The following XKR9 variants were observed in gnomAD, a reference collection of about 807,000 sequenced individuals.
The protein encoded by XKR9 is XK related 9.
Under a neutral mutation model 32.0 loss-of-function variants are expected in XKR9, and 32 were observed. The ratio of observed to expected loss-of-function variants is 1.00; its 90% CI spans 0.76 to 1.34. XKR9 has a LOEUF of 1.34. Ranked by LOEUF, XKR9 falls within the 40% of genes most tolerant of loss-of-function variation. XKR9 has a pLI of 0.00. For missense variants in XKR9, 546 were observed against 429.7 expected, an observed-to-expected ratio of 1.27 and a Z score of -2.39; for synonymous variants, 168 against 143.4, an observed-to-expected ratio of 1.17 and a Z score of -1.22.
At chr8:70,696,445 T>C (rs1363573735) in intron 3 of XKR9, among the ~76,000 whole-genome samples, 1 of 151,542 alleles carries the variant, frequency 6.6e-6, no homozygotes, top group Non-Finnish European at 1.5e-5. Flanking sequence ...AGGGAATCCT[T>C]TCCCCATTGC....
the XKR9 span, among the ~76,000 whole-genome samples, chr8:70,802,027 C>T: frequency 2.0e-5 from 3 of 151,664 alleles, no homozygotes; most frequent in Non-Finnish European, 4.4e-5. Flanking sequence ...AGCTCCGCCT[C>T]CCAGGTTCAC....
rs1196945529 is a variant in XKR9 at position 70,761,456 on chromosome 8, T to C, written n.353-27883T>C. On this transcript the variant is annotated intron_variant and non_coding_transcript_variant, in intron 2 of 3. Coordinates refer to the XKR9 transcript ENST00000520273. Reference sequence around the variant, plus strand: ...ATTTCAATTTGCATTTCTCTAATGATCAGTGACACTGAGCTTTTTTTCACA... The same window carrying C: ...ATTTCAATTTGCATTTCTCTAATGACCAGTGACACTGAGCTTTTTTTCACA... 3.3e-5 allele frequency among the ~76,000 whole-genome samples: 5 copies of C among 152,334 alleles called. No homozygotes were observed. In the East Asian group the frequency reaches 5.8e-4, roughly 18 times the overall value.
the XKR9 span, among the ~76,000 whole-genome samples, chr8:70,885,411 A>C: frequency 6.6e-6 from 1 of 152,050 alleles, no homozygotes; most frequent in South Asian, 2.1e-4. Context: ...CATTTTTTTA[A>C]AATTTTACTT....
the XKR9 span, among the ~76,000 whole-genome samples, chr8:70,797,797 A>ATGTGGTATTT: frequency 2.0e-5 from 3 of 152,064 alleles, no homozygotes; most frequent in African/African-American, 7.2e-5. Flanking sequence ...AAGTGAGAAT[A>ATGTGGTATTT]TGTGGTATTT....
chr8:70,717,466 A>G (rs1018781727), intron 4 of XKR9, among the ~76,000 whole-genome samples: 1 of 152,142 alleles, frequency 6.6e-6, no homozygotes, highest in Non-Finnish European at 1.5e-5. Flanking sequence ...CAGGCCCAGT[A>G]CCACTTGTAA....
chr8:70,853,924 T>A, the XKR9 span, among the ~76,000 whole-genome samples: 5 of 152,192 alleles, frequency 3.3e-5, no homozygotes, highest in African/African-American at 1.2e-4. Flanking sequence ...ATCCAGTCTA[T>A]CATTGTTGGA....
chr8:71,021,395 T>C, the XKR9 span, among the ~76,000 whole-genome samples: 1 of 152,222 alleles, frequency 6.6e-6, no homozygotes, highest in Non-Finnish European at 1.5e-5. Context: ...GTTCAATTAT[T>C]TCAGTTCCTT....
intron 4 of XKR9, among the ~76,000 whole-genome samples, chr8:70,714,287 A>G (rs2166099): frequency 1.5e-4 from 23 of 152,336 alleles, no homozygotes; most frequent in Middle Eastern, 6.8e-3. Flanking sequence ...AATACAGTCC[A>G]TAAAAGATAT....
chr8:70,884,696 A>C, the XKR9 span, among the ~76,000 whole-genome samples: 1 of 152,178 alleles, frequency 6.6e-6, no homozygotes, highest in South Asian at 2.1e-4. Context: ...AGTTGGCTAT[A>C]TTTGTGTGGG....
At chr8:70,684,681 G>C (rs1048148897) in intron 3 of XKR9, among the ~76,000 whole-genome samples, 1 of 149,360 alleles carries the variant, frequency 6.7e-6, no homozygotes, top group Non-Finnish European at 1.5e-5. Flanking sequence ...AAAAGTGGGC[G>C]AAGGACATGA....
At chr8:71,001,324 C>T in the XKR9 span, among the ~76,000 whole-genome samples, 8 of 152,084 alleles carry the variant, frequency 5.3e-5, no homozygotes, top group South Asian at 1.2e-3. Context: ...TACAGCAGCA[C>T]CATCACGGCT....
chr8:70,738,638 T>G (rs1229096890), downstream of XKR9, among the ~76,000 whole-genome samples: 1 of 152,132 alleles, frequency 6.6e-6, no homozygotes, highest in Non-Finnish European at 1.5e-5. Flanking sequence ...TACACTGCCT[T>G]GAATGTGTCC....
the XKR9 span, among the ~76,000 whole-genome samples, chr8:70,864,222 A>C: frequency 6.6e-6 from 1 of 152,210 alleles, no homozygotes; most frequent in South Asian, 2.1e-4. Context: ...AAACAATTTC[A>C]ACTTAGGATC....
intron 3 of XKR9, among the ~76,000 whole-genome samples, chr8:70,703,810 A>C (rs775894823): frequency 2.0e-5 from 3 of 152,144 alleles, no homozygotes; most frequent in Non-Finnish European, 4.4e-5. Context: ...AGATATAGGG[A>C]TAAAAATATG....
chr8:70,784,921 G>A (rs114526537), intron 2 of XKR9, among the ~76,000 whole-genome samples: 1,598 of 151,308 alleles, frequency 0.011, 24 homozygotes, highest in African/African-American at 0.035. Flanking sequence ...AAAGGATGTC[G>A]AATTTAATCA....
chr8:70,685,136 A>G (rs1819219021), intron 3 of XKR9, among the ~76,000 whole-genome samples: 1 of 152,094 alleles, frequency 6.6e-6, no homozygotes, highest in Non-Finnish European at 1.5e-5. Context: ...AAAATGTGGC[A>G]CATATACACC....
chr8:70,790,611 G>T (rs561135959), downstream of XKR9, among the ~76,000 whole-genome samples: 15 of 152,094 alleles, frequency 9.9e-5, no homozygotes, highest in Admixed American at 9.8e-4. Flanking sequence ...AAAGAAATGG[G>T]GAGAGGATGT....
At chr8:71,064,220 A>T in the XKR9 span, among the ~76,000 whole-genome samples, 1 of 152,164 alleles carries the variant, frequency 6.6e-6, no homozygotes, top group African/African-American at 2.4e-5. Flanking sequence ...AGTACTTGAA[A>T]ATCACAGATC....
chr8:70,881,580 AG>A, the XKR9 span, among the ~76,000 whole-genome samples: 1 of 152,216 alleles, frequency 6.6e-6, no homozygotes, highest in Non-Finnish European at 1.5e-5. Context: ...ATCTCATGCC[AG>A]TTAGAATGGC....
Sources: gnomAD v4.1 joint callset for allele counts (sites outside exome capture counted in the v4.1 genomes callset) on GRCh38, gnomAD v4.1.1 for gene constraint, MANE v1.5 for transcripts, NCBI Gene and HGNC (gene_info 2026-07-23, HGNC 2026-07-21) for gene names.